The following TPM1 variants were observed in gnomAD, a reference collection of about 807,000 sequenced individuals.
TPM1 encodes the protein tropomyosin alpha-1 chain.
A neutral mutation model predicts 42.9 loss-of-function variants in TPM1; 24 were observed. The observed-to-expected ratio is 0.56, with a 90% CI of 0.41 to 0.79. The LOEUF is 0.79. TPM1 is among the 30% of genes least tolerant of loss of function. The pLI is 0.00. For missense variants in TPM1, 158 were observed against 351.8 expected (o/e 0.45, Z 4.41); for synonymous variants, 136 against 130.1 (o/e 1.05, Z -0.31).
chr15:63,047,417 A>G (rs1315460505), intron 2 of TPM1: 1 of 152,276 alleles, frequency 6.6e-6, no homozygotes, highest in Non-Finnish European at 1.5e-5. Context: ...ATTTAAGAAT[A>G]CAGCTCAAGG....
At chr15:63,049,031 C>T (rs932009875) in intron 2 of TPM1, 3 of 355,940 alleles carry the variant, frequency 8.4e-6, no homozygotes, top group South Asian at 7.3e-5. Context: ...TGTGCGTCCC[C>T]GGGAGGTGCA....
chr15:63,055,668 G>A (rs2034660564), intron 2 of TPM1: 1 of 152,172 alleles, frequency 6.6e-6, no homozygotes, highest in Non-Finnish European at 1.5e-5. Flanking sequence ...GGGTCCCTAA[G>A]TGTGTATTGT....
chr15:63,053,574 G>T (rs577808511), intron 2 of TPM1, among the ~76,000 whole-genome samples: 2 of 152,174 alleles, frequency 1.3e-5, no homozygotes, highest in South Asian at 4.1e-4. Flanking sequence ...AGCTTCTTTG[G>T]GTGGTGGCAA....
intron 2 of TPM1, among the ~76,000 whole-genome samples, chr15:63,052,174 A>G (rs1323713369): frequency 6.6e-6 from 1 of 152,356 alleles, no homozygotes; most frequent in Non-Finnish European, 1.5e-5. Flanking sequence ...AAAAGAAACT[A>G]GCATCCCAGA....
intron 2 of TPM1, among the ~76,000 whole-genome samples, chr15:63,053,844 G>T (rs180779787): frequency 9.3e-4 from 142 of 152,060 alleles, no homozygotes; most frequent in African/African-American, 3.2e-3. Context: ...ACCATGCCTG[G>T]CTAATTTTTG....
chr15:63,048,922 T>A, intron 2 of TPM1: 1 of 666,656 alleles, frequency 1.5e-6, no homozygotes, highest in Non-Finnish European at 2.6e-6. Flanking sequence ...TGATCCAAAG[T>A]AAACGCTCCC....
intron 2 of TPM1, chr15:63,045,781 G>A (rs2032261588): frequency 6.6e-6 from 1 of 152,246 alleles, no homozygotes; most frequent in Non-Finnish European, 1.5e-5. Context: ...AAATGGGAAA[G>A]AAGTTATTTA....
chr15:63,050,159 G>C (rs901945553), intron 2 of TPM1, among the ~76,000 whole-genome samples: 2 of 152,184 alleles, frequency 1.3e-5, no homozygotes, highest in Non-Finnish European at 2.9e-5. Context: ...CTGTGTGCCC[G>C]CTGTCATTAA....
intron 4 of TPM1, chr15:63,059,990 A>G (rs1221218279): frequency 2.9e-6 from 1 of 348,438 alleles, no homozygotes; most frequent in Non-Finnish European, 5.7e-6. Context: ...GTGTCTTGTG[A>G]AAGGAGGCTC....
downstream of TPM1, among the ~76,000 whole-genome samples, chr15:63,066,762 A>G (rs528664062): frequency 1.3e-5 from 2 of 152,162 alleles, no homozygotes; most frequent in African/African-American, 4.8e-5. Flanking sequence ...TCTAAATATG[A>G]TTACTCTGTT....
intron 2 of TPM1, chr15:63,048,718 CA>C (rs1291699618): frequency 6.5e-7 from 1 of 1,534,996 alleles, no homozygotes; most frequent in African/African-American, 1.4e-5. Context: ...GTAAGGGATA[CA>C]CCCATCACCC....
chr15:63,061,839 A>G (rs753401306), intron 6 of TPM1, 51 bp downstream of exon 6: 19 of 1,535,584 alleles, frequency 1.2e-5, no homozygotes, highest in African/African-American at 6.8e-5. Context: ...GAGCTGCTCA[A>G]AAGAGGCCCT....
intron 2 of TPM1, chr15:63,047,023 G>C (rs1038324901): frequency 2.0e-5 from 3 of 152,308 alleles, no homozygotes; most frequent in Non-Finnish European, 2.9e-5. Context: ...TATGGCACTT[G>C]CCAGTGTCCA....
chr15:63,059,117 G>A (rs1181503063), intron 3 of TPM1, among the ~76,000 whole-genome samples: 1 of 152,218 alleles, frequency 6.6e-6, no homozygotes, highest in Non-Finnish European at 1.5e-5. Flanking sequence ...AGGGTAAGAA[G>A]ATTCTTTGTA....
chr15:63,067,132 T>A (rs1418670013), downstream of TPM1, among the ~76,000 whole-genome samples: 1 of 152,168 alleles, frequency 6.6e-6, no homozygotes, highest in Non-Finnish European at 1.5e-5. Context: ...ATGATCTGCA[T>A]GTTTTGTATA....
chr15:63,043,987 G>C, intron 1 of TPM1, 40 bp from the exon 2 acceptor site: 1 of 1,603,780 alleles, frequency 6.2e-7, no homozygotes, highest in African/African-American at 1.3e-5. Context: ...GCTGCCTGCT[G>C]CACCCCCCTC....
intron 8 of TPM1, chr15:63,063,728 GC>G (rs1225604344): frequency 3.8e-6 from 1 of 265,784 alleles, no homozygotes; most frequent in Non-Finnish European, 7.2e-6. Context: ...TGTTCCATTA[GC>G]CCCTGCCTCC....
downstream of TPM1, among the ~76,000 whole-genome samples, chr15:63,068,436 G>A (rs746583681): frequency 6.6e-6 from 1 of 152,148 alleles, no homozygotes; most frequent in African/African-American, 2.4e-5. Context: ...TATTCCAAGC[G>A]AGAAAACATA....
intron 9 of TPM1, 52 bp downstream of exon 9, chr15:63,064,194 A>G: frequency 1.3e-6 from 2 of 1,592,816 alleles, no homozygotes; most frequent in Non-Finnish European, 1.7e-6. Context: ...TGCTAATGTA[A>G]TAAACTCACC....
Sources: gnomAD v4.1 joint callset for allele counts (sites outside exome capture counted in the v4.1 genomes callset) on GRCh38, gnomAD v4.1.1 for gene constraint, MANE v1.5 for transcripts, NCBI Gene and HGNC (gene_info 2026-07-23, HGNC 2026-07-21) for gene names.